MYOM2: variants seen among roughly 807,000 people sequenced by gnomAD.
MYOM2 encodes myomesin-2.
MYOM2 carries 254 observed loss-of-function variants against 187.6 expected under a neutral mutation model. The observed-to-expected ratio is 1.35, with a 90% CI of 1.22 to 1.50. The LOEUF is 1.50. Ranked by LOEUF, MYOM2 falls within the 40% of genes most tolerant of loss-of-function variation. MYOM2 has a pLI of 0.00. For synonymous variants in MYOM2, 981 were observed against 753.8 expected, an observed-to-expected ratio of 1.30 and a Z score of -4.94; for missense variants, 2,796 against 1,924.0, an observed-to-expected ratio of 1.45 and a Z score of -8.48.
chr8:2,065,958 C>T lies in MYOM2; in HGVS notation c.654-3320C>T, dbSNP rs1819005868. Among the ~76,000 whole-genome samples the T allele has an allele frequency of 2.6e-5, 4 of 152,346 alleles. No homozygotes were observed. The South Asian group carries it at 8.3e-4, about 32-fold the overall frequency. ...GATTCCAGTTGAGAGCCGTGGGGCGCAGTGTGAACGCTGTTGATGTTACTT... is the reference window on the plus strand; with the variant it reads ...GATTCCAGTTGAGAGCCGTGGGGCGTAGTGTGAACGCTGTTGATGTTACTT... On this transcript the variant is annotated intron_variant, in intron 6 of 36. Transcript: ENST00000262113.
rs1014390654 is a variant in MYOM2, at chr8:2,102,667, G to A, written c.2620G>A (p.Val874Ile). The A allele has an allele frequency of 1.2e-6, 2 of 1,605,364 alleles. No individual in the cohort carries two copies. Among genetic ancestry groups the A allele is most frequent in the African/African-American group, 2.7e-5 (2 of 74,722 alleles). Reference sequence around the variant, plus strand: ...CTGGTGTTTCCTCTGTTGTTTCAAGGTCTCTGACCTGCAGCAAGGTAAGAC... The same window carrying A: ...CTGGTGTTTCCTCTGTTGTTTCAAGATCTCTGACCTGCAGCAAGGTAAGAC... The part of the protein sequence containing the change: ...QTTTASRYLK[V>I]SDLQQGKTYV... The change falls in exon 21 of 37, where the codon GTC becomes ATC. Residue 874 changes from valine to isoleucine, a missense_variant and splice_region_variant. Physicochemically the swap from Val to Ile is conservative, Grantham distance 29 (BLOSUM62 3). Coordinates refer to ENST00000262113, the MANE Select transcript of MYOM2 (RefSeq NM_003970.4).
intron 8 of MYOM2, among the ~76,000 whole-genome samples, chr8:2,070,848 C>G (rs1819189343): frequency 6.6e-6 from 1 of 152,244 alleles, no homozygotes; most frequent in South Asian, 2.1e-4. Flanking sequence ...CTCAGGGTAG[C>G]TTCAATTATT....
chr8:2,115,782 C>G (rs1797220003), intron 25 of MYOM2, among the ~76,000 whole-genome samples, 178 bp from the exon 26 acceptor site: 1 of 152,190 alleles, frequency 6.6e-6, no homozygotes, highest in Non-Finnish European at 1.5e-5. Flanking sequence ...TGAGTGACAG[C>G]TCATACCCAC....
intron 21 of MYOM2, among the ~76,000 whole-genome samples, chr8:2,103,917 G>C (rs1796806003): frequency 6.6e-6 from 1 of 152,120 alleles, no homozygotes; most frequent in Non-Finnish European, 1.5e-5. Flanking sequence ...TGCATGTATG[G>C]ATGGGTGTAC....
intron 1 of MYOM2, among the ~76,000 whole-genome samples, chr8:2,047,584 A>T (rs750546135): frequency 1.3e-5 from 2 of 152,026 alleles, no homozygotes; most frequent in Non-Finnish European, 2.9e-5. Flanking sequence ...GTTGCAAGTG[A>T]CCCCATACTT....
chr8:2,094,317 A>C (rs1014980554), intron 17 of MYOM2, among the ~76,000 whole-genome samples: 2 of 130,776 alleles, frequency 1.5e-5, no homozygotes, highest in African/African-American at 6.5e-5. Flanking sequence ...GCAAATTAAA[A>C]ATAGAAAACA....
At chr8:2,052,113 C>G (rs376170325) in intron 2 of MYOM2, 45 bp from the exon 3 acceptor site, 1 of 1,607,316 alleles carries the variant, frequency 6.2e-7, no homozygotes, top group Non-Finnish European at 8.5e-7. Context: ...AATTTCCATA[C>G]TGTGCCTGAG....
At chr8:2,139,864 G>A (rs1181428580) in intron 32 of MYOM2, among the ~76,000 whole-genome samples, 2 of 152,154 alleles carry the variant, frequency 1.3e-5, no homozygotes, top group South Asian at 2.1e-4. Context: ...CTTAGAAGGC[G>A]GGAATGTATG....
chr8:2,086,937 C>CTT lies in MYOM2; in HGVS notation c.1644+1557_1644+1558dup, dbSNP rs11381618. On this transcript the variant is annotated intron_variant, in intron 14 of 36. Transcript: ENST00000262113. ...GACTCGCCAGATATCCAATAGAAAG[C>CTT]TTTTTTTTTTTCCTGAATGCATACA... Among the ~76,000 whole-genome samples, 1,109 of 149,428 alleles carry CTT rather than the reference C, an allele frequency of 7.4e-3. 8 individuals are homozygous for CTT. Among genetic ancestry groups the CTT allele is most frequent in the African/African-American group, 0.025 (1,041 of 40,840 alleles).
At position 2,085,451 on chromosome 8, in the gene MYOM2, T is replaced by C; in HGVS notation, c.1644+61T>C. On this transcript the variant is annotated intron_variant, in intron 14 of 36. Coordinates refer to ENST00000262113, the MANE Select transcript of MYOM2 (RefSeq NM_003970.4). ...TCTGCATGGCCCCCCACTGTCATGA[T>C]CTCTGCGTGGCCCACCGCTGTCGTG... 2.5e-6 allele frequency: 4 copies of C among 1,577,654 alleles called. 1 individual carries two copies. In the South Asian group the frequency reaches 4.7e-5, roughly 18 times the overall value.
chr8:2,096,006 C>G (rs537326777), intron 17 of MYOM2, among the ~76,000 whole-genome samples: 5 of 152,168 alleles, frequency 3.3e-5, no homozygotes, highest in Non-Finnish European at 7.3e-5. Flanking sequence ...TTAGTAGATA[C>G]ACTTAGAAAT....
intron 16 of MYOM2, among the ~76,000 whole-genome samples, 183 bp downstream of exon 16, chr8:2,092,703 C>T (rs533562060): frequency 6.6e-6 from 1 of 152,198 alleles, no homozygotes; most frequent in Non-Finnish European, 1.5e-5. Flanking sequence ...CTAGTTACTG[C>T]ACTTGCTCAT....
chr8:2,113,386 A>G (rs990493985), intron 25 of MYOM2, among the ~76,000 whole-genome samples: 16 of 152,314 alleles, frequency 1.1e-4, no homozygotes, highest in African/African-American at 3.6e-4. Flanking sequence ...CACATCCCAA[A>G]GGCTGAGTGA....
chr8:2,144,366 T>A (rs1183669096), intron 36 of MYOM2, among the ~76,000 whole-genome samples: 1 of 152,232 alleles, frequency 6.6e-6, no homozygotes, highest in Non-Finnish European at 1.5e-5. Context: ...TAGAGCTTAA[T>A]TAAATTACTT....
At chr8:2,063,482 CTCATTCT>C (rs1310031709) in intron 6 of MYOM2, among the ~76,000 whole-genome samples, 1 of 152,144 alleles carries the variant, frequency 6.6e-6, no homozygotes, top group African/African-American at 2.4e-5. Context: ...GATGTGAGCC[CTCATTCT>C]TCAAAGAATA....
intron 32 of MYOM2, among the ~76,000 whole-genome samples, chr8:2,139,775 C>T (rs34039811): frequency 0.18 from 27,476 of 152,166 alleles, 2,976 homozygotes; most frequent in Middle Eastern, 0.26. Flanking sequence ...TCCCTCTAAA[C>T]TGAAGTAATG....
Position 2,076,164 on chromosome 8 carries a change from GC to G in MYOM2, c.1149del (p.Gly384ValfsTer18). On this transcript the variant is annotated frameshift_variant, in exon 11 of 37. Coordinates refer to ENST00000262113, the MANE Select transcript of MYOM2 (RefSeq NM_003970.4). LOFTEE classifies it high-confidence loss of function. The stretch of plus-strand genomic sequence containing the variant: ...AGATGCTGACCCGCTGGTCACAGGG[GC>G]CCCCGGTGCACCCATGGACTTGCAG... The part of the protein sequence containing the change: ...VRDADPLVTG[A>X]PGAPMDLQCH... 6.2e-7 allele frequency: 1 copy of G among 1,612,560 alleles called. No individual in the cohort carries two copies. Among genetic ancestry groups the G allele is most frequent in the Non-Finnish European group, 8.5e-7 (1 of 1,179,712 alleles).
At position 2,145,031 on chromosome 8, in the gene MYOM2, A is replaced by C. The variant is rs2116933625; in HGVS notation, c.*50A>C. 6.3e-7 allele frequency: 1 copy of C among 1,594,986 alleles called. No individual in the cohort carries two copies. The highest frequency in any genetic ancestry group is 1.7e-4 in the Middle Eastern group (1 of 5,808). ...GGAAAATATGCTTGGCAGAGACAGGAATGCTGTGTGCTTGTTCCAAATGAG... is the reference window on the plus strand; with the variant it reads ...GGAAAATATGCTTGGCAGAGACAGGCATGCTGTGTGCTTGTTCCAAATGAG... On this transcript the variant is annotated 3_prime_UTR_variant, in exon 37 of 37. Transcript: ENST00000262113.
At chr8:2,068,684 C>G (rs1426231239) in intron 6 of MYOM2, among the ~76,000 whole-genome samples, 2 of 152,232 alleles carry the variant, frequency 1.3e-5, no homozygotes, top group Non-Finnish European at 2.9e-5. Context: ...AGCTCCCGGA[C>G]CACCTTAGAA....
Sources: gnomAD v4.1 joint callset for allele counts (sites outside exome capture counted in the v4.1 genomes callset) on GRCh38, gnomAD v4.1.1 for gene constraint, MANE v1.5 for transcripts, NCBI Gene and HGNC (gene_info 2026-07-23, HGNC 2026-07-21) for gene names.